HIVEP3: variants seen among roughly 807,000 people sequenced by gnomAD.
The protein encoded by HIVEP3 is HIVEP zinc finger 3, also known as transcription factor HIVEP3.
In HIVEP3, 49 loss-of-function variants were observed where a neutral mutation model predicts 152.8. That is an observed-to-expected ratio of 0.32 (90% CI 0.26 to 0.41). HIVEP3 has a LOEUF of 0.41. Ranked by LOEUF, HIVEP3 falls within the 10% of genes least tolerant of loss-of-function variation. The pLI is 1.00. For missense variants in HIVEP3, 2,790 were observed against 3,103.3 expected, an observed-to-expected ratio of 0.90 and a Z score of 2.40; for synonymous variants, 1,269 against 1,289.0, an observed-to-expected ratio of 0.98 and a Z score of 0.33.
intron 3 of HIVEP3, among the ~76,000 whole-genome samples, chr1:41,601,578 A>G (rs1393873451): frequency 1.3e-5 from 2 of 152,130 alleles, no homozygotes; most frequent in Admixed American, 6.5e-5. Context: ...AATGCCACTG[A>G]TTTTTGTAAA....
intron 1 of HIVEP3, among the ~76,000 whole-genome samples, chr1:41,894,432 C>G (rs1047837586): frequency 6.6e-6 from 1 of 152,216 alleles, no homozygotes; most frequent in Non-Finnish European, 1.5e-5. Context: ...CTACCTTAGT[C>G]TCTCCTATCA....
intron 1 of HIVEP3, among the ~76,000 whole-genome samples, chr1:41,884,412 C>G (rs1644311414): frequency 6.6e-6 from 1 of 152,210 alleles, no homozygotes; most frequent in Admixed American, 6.6e-5. Flanking sequence ...GGAGGATGGG[C>G]AGGCATTCCC....
chr1:41,682,266 G>C (rs563137791), intron 2 of HIVEP3, among the ~76,000 whole-genome samples: 1 of 152,284 alleles, frequency 6.6e-6, no homozygotes, highest in South Asian at 2.1e-4. Flanking sequence ...TCTTCTCTGA[G>C]CACCTCCACA....
At chr1:41,941,298 G>T (rs561595714) in intron 1 of HIVEP3, among the ~76,000 whole-genome samples, 13 of 152,190 alleles carry the variant, frequency 8.5e-5, no homozygotes, top group Non-Finnish European at 1.8e-4. Flanking sequence ...TAATGGGAAT[G>T]ATCCAGAAAA....
chr1:41,594,513 C>T (rs1027249031), intron 3 of HIVEP3, among the ~76,000 whole-genome samples: 1 of 152,160 alleles, frequency 6.6e-6, no homozygotes, highest in Non-Finnish European at 1.5e-5. Flanking sequence ...TGAGCCACCC[C>T]GCCTGGCCGA....
At chr1:41,904,220 A>G (rs551751703) in intron 1 of HIVEP3, among the ~76,000 whole-genome samples, 1 of 152,184 alleles carries the variant, frequency 6.6e-6, no homozygotes, top group East Asian at 1.9e-4. Context: ...GATTGGCAGC[A>G]GCAGGAGGGC....
intron 1 of HIVEP3, among the ~76,000 whole-genome samples, chr1:41,884,864 G>C (rs986544906): frequency 7.5e-6 from 1 of 133,448 alleles, no homozygotes; most frequent in Non-Finnish European, 1.5e-5. Context: ...TGGGGGACAA[G>C]AGTCTCAGGA....
intron 3 of HIVEP3, among the ~76,000 whole-genome samples, chr1:41,606,387 G>T (rs1644822721): frequency 6.6e-6 from 1 of 151,768 alleles, no homozygotes; most frequent in Non-Finnish European, 1.5e-5. Flanking sequence ...ATATGTTATT[G>T]CTTTTGCATA....
rs200126429 is a variant in HIVEP3 at position 41,955,495 on chromosome 1, C to CA, written n.120-36972dup. ...GCAAACTGTGTCCTACAACAGCACA[C>CA]AAAAAAAAACCCCTCATATTAAAAC... On this transcript the variant is annotated intron_variant and non_coding_transcript_variant, in intron 1 of 3. Transcript: ENST00000489103. 3.8e-3 allele frequency among the ~76,000 whole-genome samples: 572 copies of CA among 150,412 alleles called. 4 individuals are homozygous for CA. The highest frequency in any genetic ancestry group is 0.013 in the African/African-American group (526 of 41,010).
Position 41,513,673 on chromosome 1 carries a change from G to C in HIVEP3, c.5548C>G (p.Leu1850Val). Residue 1850 changes from leucine (L) to valine (V), a missense_variant, in exon 8 of 9, where the codon CTG (leucine) becomes GTG (valine). Physicochemically the swap from Leu to Val is conservative, Grantham distance 32. Around this residue, in one of 9 missense-constraint regions of HIVEP3, gnomAD observed 816 missense variants for 806.5 expected, o/e 1.01. Transcript: ENST00000372583. Reference protein sequence around the residue: ...EAVEEHQFSDLEDSDSDSDLD... With the variant: ...EAVEEHQFSDVEDSDSDSDLD... Reference sequence around the variant, plus strand: ...TCTGAGTCTGAGTCCGAGTCCTCCAGGTCCGAAAACTGGTGCTCCTCCACA... The same window carrying C: ...TCTGAGTCTGAGTCCGAGTCCTCCACGTCCGAAAACTGGTGCTCCTCCACA... The C allele has an allele frequency of 1.2e-6, 2 of 1,612,776 alleles. No homozygotes were observed. Among genetic ancestry groups the C allele is most frequent in the Non-Finnish European group, 1.7e-6 (2 of 1,179,566 alleles).
At chr1:41,832,403 C>T (rs1456629135) in intron 1 of HIVEP3, among the ~76,000 whole-genome samples, 1 of 152,082 alleles carries the variant, frequency 6.6e-6, no homozygotes, top group African/African-American at 2.4e-5. Flanking sequence ...TGGTGGTGTG[C>T]CCCTATAGTC....
intron 5 of HIVEP3, among the ~76,000 whole-genome samples, chr1:41,572,598 T>C (rs570389294): frequency 6.6e-6 from 1 of 152,320 alleles, no homozygotes; most frequent in East Asian, 1.9e-4. Context: ...GGATGACAGT[T>C]AACCCCCATG....
At chr1:41,955,179 G>A (rs920665101) in intron 1 of HIVEP3, among the ~76,000 whole-genome samples, 2 of 152,000 alleles carry the variant, frequency 1.3e-5, no homozygotes, top group Non-Finnish European at 2.9e-5. Context: ...GAGATCCAAG[G>A]GTGAAAGAAA....
At position 41,513,528 on chromosome 1, in the gene HIVEP3, A is replaced by G. The variant is rs959115089; in HGVS notation, c.5693T>C (p.Leu1898Pro). ...HALRADSSPI[L>P]GPQPPDAPAS... ...GGGGGCATCTGGGGGCTGAGGGCCC[A>G]GGATGGGTGAGGAGTCTGCCCGCAG... Residue 1898 changes from leucine (L) to proline (P), a missense_variant, in exon 8 of 9, where the codon CTG becomes CCG. By Grantham distance (98) the Leu-to-Pro change is moderately conservative. Coordinates refer to ENST00000372583, the MANE Select transcript of HIVEP3 (RefSeq NM_024503.5). 2.5e-6 allele frequency: 4 copies of G among 1,606,680 alleles called. No individual in the cohort carries two copies. In the Admixed American group the frequency reaches 5.0e-5, roughly 20 times the overall value.
chr1:41,830,752 C>A (rs72671243), intron 1 of HIVEP3, among the ~76,000 whole-genome samples: 2 of 152,150 alleles, frequency 1.3e-5, no homozygotes, highest in Non-Finnish European at 2.9e-5. Flanking sequence ...CACCCTGTGT[C>A]CCTCCCACCC....
chr1:41,538,355 C>T (rs1363609602), intron 5 of HIVEP3, among the ~76,000 whole-genome samples: 1 of 152,022 alleles, frequency 6.6e-6, no homozygotes, highest in Admixed American at 6.6e-5. Flanking sequence ...CAGCAGTGGC[C>T]CGACAGAAAT....
At chr1:41,934,755 T>C (rs1399474617) in intron 1 of HIVEP3, among the ~76,000 whole-genome samples, 1 of 152,138 alleles carries the variant, frequency 6.6e-6, no homozygotes, top group Non-Finnish European at 1.5e-5. Flanking sequence ...GTACAAATAA[T>C]GTACCAATTT....
chr1:41,605,761 C>G (rs147976433), intron 3 of HIVEP3, among the ~76,000 whole-genome samples: 1 of 151,942 alleles, frequency 6.6e-6, no homozygotes, highest in African/African-American at 2.4e-5. Flanking sequence ...GCTGGGGAAA[C>G]CCTAATTGTG....
intron 2 of HIVEP3, among the ~76,000 whole-genome samples, chr1:41,644,693 C>CTT (rs60511656): frequency 0.4 from 29,560 of 74,682 alleles, 5,052 homozygotes; most frequent in East Asian, 0.5. Context: ...CATATCTGTT[C>CTT]TTTTTTTTTT....
Sources: allele counts gnomAD v4.1 joint callset (sites outside exome capture counted in the v4.1 genomes callset), GRCh38; gene constraint gnomAD v4.1.1; regional missense constraint gnomAD v4.1.1; transcripts MANE v1.5; gene names NCBI Gene and HGNC (gene_info 2026-07-23, HGNC 2026-07-21).